RASSF4: variants seen among roughly 807,000 people sequenced by gnomAD.
The protein encoded by RASSF4 is ras association domain-containing protein 4.
Under a neutral mutation model 41.1 loss-of-function variants are expected in RASSF4, and 38 were observed. The ratio of observed to expected loss-of-function variants is 0.92; its 90% confidence interval spans 0.71 to 1.21. The LOEUF (loss-of-function observed/expected upper bound fraction) is 1.21. Among genes scored for constraint, RASSF4 ranks in the 50% most tolerant of loss-of-function variants. The pLI, the probability that RASSF4 is intolerant of heterozygous loss-of-function variation, is 0.00. For synonymous variants in RASSF4, 179 were observed against 163.4 expected (o/e 1.10, Z -0.73); for missense variants, 414 against 419.4 (o/e 0.99, Z 0.11).
chr10:44,964,116 G>T (rs1840811102), intron 1 of RASSF4, among the ~76,000 whole-genome samples: 1 of 152,266 alleles, frequency 6.6e-6, no homozygotes, highest in Non-Finnish European at 1.5e-5. Flanking sequence ...CAGCTCTAAA[G>T]CCCTCGGCGG....
chr10:44,975,702 TGGGACACTG>T (rs2132779099), intron 3 of RASSF4, among the ~76,000 whole-genome samples: 1 of 149,918 alleles, frequency 6.7e-6, no homozygotes, highest in South Asian at 2.2e-4. Context: ...TGCAGGAGCT[TGGGACACTG>T]CCAGAAGCCC....
chr10:44,969,798 G>A (rs183229920), intron 1 of RASSF4, among the ~76,000 whole-genome samples: 16 of 152,352 alleles, frequency 1.1e-4, no homozygotes, highest in Admixed American at 1.0e-3. Flanking sequence ...GGGTAGCTCT[G>A]GAGGATTGCA....
At chr10:44,984,697 C>G in intron 5 of RASSF4, 116 bp from the exon 6 acceptor site, 1 of 1,157,232 alleles carries the variant, frequency 8.6e-7, no homozygotes, top group Non-Finnish European at 1.3e-6. Flanking sequence ...CCTCACGTCC[C>G]CATCTGCCCC....
intron 4 of RASSF4, chr10:44,983,257 C>T (rs1841789549): frequency 1.0e-5 from 3 of 288,800 alleles, no homozygotes; most frequent in South Asian, 9.6e-5. Flanking sequence ...GGCACACATT[C>T]AGAGCTTTGC....
Position 44,970,165 on chromosome 10 carries a change from C to G in RASSF4, c.-38C>G. 3 of 1,586,986 alleles carry G rather than the reference C, an allele frequency of 1.9e-6. No individual in the cohort carries two copies. Among genetic ancestry groups the G allele is most frequent in the Non-Finnish European group, 2.6e-6 (3 of 1,155,562 alleles). ...TGTCCACCCTTCCTTGTCTTCCCAGCAAGTAACTTCTAGGTCTGCAGACAA... is the reference window on the plus strand; with the variant it reads ...TGTCCACCCTTCCTTGTCTTCCCAGGAAGTAACTTCTAGGTCTGCAGACAA... On this transcript the variant is annotated splice_region_variant and 5_prime_UTR_variant, in exon 2 of 11. Transcript: ENST00000340258.
intron 3 of RASSF4, chr10:44,977,025 T>G: frequency 5.9e-6 from 1 of 170,332 alleles, no homozygotes; most frequent in Non-Finnish European, 1.2e-5. Context: ...CCACCAGCGA[T>G]GATGGTAGCT....
chr10:44,967,514 C>T (rs754161556), intron 1 of RASSF4, among the ~76,000 whole-genome samples: 4 of 152,220 alleles, frequency 2.6e-5, no homozygotes, highest in Non-Finnish European at 4.4e-5. Context: ...AGAGTTGCCC[C>T]GTCGAAGAAG....
chr10:44,971,906 T>A, intron 3 of RASSF4, 58 bp downstream of exon 3: 1 of 1,216,534 alleles, frequency 8.2e-7, no homozygotes, highest in Non-Finnish European at 1.2e-6. Context: ...CCCTGCCTGA[T>A]ACCTGTTGTT....
Position 44,971,580 on chromosome 10 carries a change from C to A in RASSF4, c.63-193C>A, listed in dbSNP as rs80201729. The A allele has an allele frequency of 2.5e-5, 17 of 688,800 alleles. 1 individual carries two copies. Among genetic ancestry groups the A allele is most frequent in the South Asian group, 6.0e-5 (4 of 67,014 alleles). The allele number at this position is 688,800 out of a possible 1,614,324, so 42.7% of individuals were successfully genotyped here. A position where few individuals can be genotyped will look rare whatever the true frequency, so the allele number is the denominator to read the frequency against. On this transcript the variant is annotated intron_variant, in intron 2 of 10. Transcript: ENST00000340258. ...TCCTCAGCCCGACCCCCATGCCCCC[C>A]ACCAGGGCCATGTGCAGAACCATCC... is the stretch of plus-strand genomic sequence containing the variant.
intron 10 of RASSF4, 114 bp downstream of exon 10, chr10:44,992,116 G>C: frequency 1.5e-6 from 1 of 665,066 alleles, no homozygotes; most frequent in Non-Finnish European, 2.6e-6. Flanking sequence ...CAGTACCCTG[G>C]TACGGGAAGG....
At chr10:44,975,385 C>T (rs1316422579) in intron 3 of RASSF4, among the ~76,000 whole-genome samples, 1 of 151,936 alleles carries the variant, frequency 6.6e-6, no homozygotes, top group Non-Finnish European at 1.5e-5. Flanking sequence ...CCGCTCTGGG[C>T]AGTGCCTTGT....
intron 2 of RASSF4, chr10:44,971,447 G>A (rs780691782): frequency 7.5e-6 from 4 of 534,178 alleles, no homozygotes; most frequent in South Asian, 3.1e-5. Context: ...AGGAAGCAAC[G>A]CAGGTGGAGG....
intron 1 of RASSF4, among the ~76,000 whole-genome samples, chr10:44,961,613 T>C (rs7902613): frequency 0.13 from 19,309 of 152,154 alleles, 2,084 homozygotes; most frequent in African/African-American, 0.3. Flanking sequence ...CCAGTGTCAA[T>C]AAGAATAGTA....
At chr10:44,960,053 G>T (rs1840647590) in intron 1 of RASSF4, among the ~76,000 whole-genome samples, 187 bp downstream of exon 1, 1 of 152,228 alleles carries the variant, frequency 6.6e-6, no homozygotes, top group East Asian at 1.9e-4. Context: ...GGGGCACTGC[G>T]CCTGGCACCT....
At chr10:44,975,597 A>T (rs1356634975) in intron 3 of RASSF4, among the ~76,000 whole-genome samples, 1 of 67,326 alleles carries the variant, frequency 1.5e-5, no homozygotes. Flanking sequence ...CCCCACCCCC[A>T]CCCCAGTGGC....
intron 1 of RASSF4, among the ~76,000 whole-genome samples, chr10:44,965,758 A>C (rs1840879450): frequency 6.6e-6 from 1 of 151,740 alleles, no homozygotes; most frequent in South Asian, 2.1e-4. Flanking sequence ...TCTCTGCCCC[A>C]GCTGTTTACC....
At chr10:44,986,735 G>A (rs1344874792) in intron 6 of RASSF4, among the ~76,000 whole-genome samples, 1 of 152,166 alleles carries the variant, frequency 6.6e-6, no homozygotes, top group Non-Finnish European at 1.5e-5. Flanking sequence ...TGAGTCAGAG[G>A]CAACAATTGA....
At chr10:44,963,100 G>A (rs10900146) in intron 1 of RASSF4, among the ~76,000 whole-genome samples, 52,915 of 151,992 alleles carry the variant, frequency 0.35, 11,387 homozygotes, top group Non-Finnish European at 0.47. Flanking sequence ...TGGAGGTGGA[G>A]GGGAGCTCTG....
intron 4 of RASSF4, chr10:44,982,883 T>G (rs1841774801): frequency 2.8e-6 from 2 of 709,688 alleles, no homozygotes; most frequent in Non-Finnish European, 5.2e-6. Context: ...ATGACCTCTA[T>G]TTCTGTTTCT....
Sources: gnomAD v4.1 joint callset for allele counts (sites outside exome capture counted in the v4.1 genomes callset) on GRCh38, gnomAD v4.1.1 for gene constraint, MANE v1.5 for transcripts, NCBI Gene and HGNC (gene_info 2026-07-23, HGNC 2026-07-21) for gene names.